The following GRM1 variants were observed in gnomAD, a reference collection of about 807,000 sequenced individuals.
GRM1 encodes glutamate metabotropic receptor 1.
Under a neutral mutation model 90.9 loss-of-function variants are expected in GRM1, and 33 were observed. That is an observed-to-expected ratio of 0.36 (90% CI 0.28 to 0.49). The LOEUF is 0.49. Among genes scored for constraint, GRM1 ranks in the 20% least tolerant of loss-of-function variants. The probability of loss-of-function intolerance (pLI) is 0.99; values close to 1 mark genes in which losing one functional copy is unlikely to be tolerated. For missense variants in GRM1, 1,190 were observed against 1,534.3 expected, an observed-to-expected ratio of 0.78 and a Z score of 3.75; for synonymous variants, 700 against 613.2, an observed-to-expected ratio of 1.14 and a Z score of -2.09.
intron 1 of GRM1, among the ~76,000 whole-genome samples, chr6:146,094,188 C>T (rs1313817993): frequency 6.6e-6 from 1 of 152,002 alleles, no homozygotes; most frequent in East Asian, 1.9e-4. Context: ...ACACAATGAA[C>T]ACCAGGTCTC....
At chr6:146,146,864 C>T (rs955803898) in intron 1 of GRM1, among the ~76,000 whole-genome samples, 5 of 152,108 alleles carry the variant, frequency 3.3e-5, no homozygotes, top group African/African-American at 1.2e-4. Context: ...TATAAATTAC[C>T]CAGTTTCTGG....
intron 1 of GRM1, among the ~76,000 whole-genome samples, chr6:146,122,059 G>A (rs549008847): frequency 3.1e-4 from 47 of 152,216 alleles, no homozygotes; most frequent in African/African-American, 1.1e-3. Context: ...ATTATTGTGT[G>A]GGAGTCTAAG....
intron 7 of GRM1, among the ~76,000 whole-genome samples, chr6:146,432,105 A>G (rs751887501): frequency 1.3e-5 from 2 of 152,208 alleles, no homozygotes; most frequent in Non-Finnish European, 2.9e-5. Flanking sequence ...CAATTTTTAA[A>G]AACTTTACAA....
At chr6:146,194,001 C>T (rs757692671) in intron 2 of GRM1, among the ~76,000 whole-genome samples, 3 of 152,040 alleles carry the variant, frequency 2.0e-5, no homozygotes, top group Non-Finnish European at 4.4e-5. Context: ...TCTTCAACAG[C>T]ATATGGAAGT....
intron 1 of GRM1, among the ~76,000 whole-genome samples, chr6:146,095,250 T>C (rs1277786290): frequency 6.6e-6 from 1 of 152,146 alleles, no homozygotes; most frequent in Non-Finnish European, 1.5e-5. Flanking sequence ...CTTCTTCTGA[T>C]AGCAGGGTGT....
intron 2 of GRM1, among the ~76,000 whole-genome samples, chr6:146,186,596 A>G (rs749076585): frequency 6.6e-5 from 10 of 151,742 alleles, no homozygotes; most frequent in Non-Finnish European, 7.3e-5. Flanking sequence ...AAAGGTTAAC[A>G]GTTTTACTAG....
rs764347042 is a variant in GRM1, at chr6:146,309,270, G to A, written c.1186+4424G>A. On this transcript the variant is annotated intron_variant, in intron 3 of 7. Coordinates refer to ENST00000282753, the MANE Select transcript of GRM1 (RefSeq NM_001278064.2). Reference sequence around the variant, plus strand: ...AAAAATTAGTTGGGCTTGGTGGCGGGTGCCTATAATCCTAGCTACTCGGGA... The same window carrying A: ...AAAAATTAGTTGGGCTTGGTGGCGGATGCCTATAATCCTAGCTACTCGGGA... Among the ~76,000 whole-genome samples the A allele has an allele frequency of 2.6e-5, 4 of 152,028 alleles. No individual in the cohort carries two copies. The East Asian group carries it at 7.8e-4, about 30-fold the overall frequency.
At chr6:146,195,964 G>C (rs1277780207) in intron 2 of GRM1, among the ~76,000 whole-genome samples, 2 of 152,184 alleles carry the variant, frequency 1.3e-5, no homozygotes, top group African/African-American at 4.8e-5. Context: ...TCCTAATTTG[G>C]CTGGGACAGT....
chr6:146,404,157 A>G (rs959527512), intron 7 of GRM1, among the ~76,000 whole-genome samples: 1 of 152,160 alleles, frequency 6.6e-6, no homozygotes, highest in Non-Finnish European at 1.5e-5. Context: ...CATGATATTT[A>G]TAGTAAACAT....
rs182518319 is a variant in GRM1, at chr6:146,115,256, A to G, written c.701-44092A>G. ...CACACACACACACACACATATATAT[A>G]CATATACTATACATGTACTATATAG... On this transcript the variant is annotated intron_variant, in intron 1 of 7. Coordinates refer to ENST00000282753, the MANE Select transcript of GRM1 (RefSeq NM_001278064.2). 1.2e-3 allele frequency among the ~76,000 whole-genome samples: 178 copies of G among 152,068 alleles called. 1 individual carries two copies. Among genetic ancestry groups the G allele is most frequent in the African/African-American group, 4.1e-3 (171 of 41,504 alleles).
At position 146,116,475 on chromosome 6, in the gene GRM1, C is replaced by A. The variant is rs78021363; in HGVS notation, c.701-42873C>A. On this transcript the variant is annotated intron_variant, in intron 1 of 7. Transcript: ENST00000282753. ...CCCTATTTGGTAATTGAATAATATT[C>A]TCTCAATATCCTTCTATATGTGCTT... Among the ~76,000 whole-genome samples the A allele has an allele frequency of 5.3e-3, 802 of 152,198 alleles. 10 individuals are homozygous for A. The highest frequency in any genetic ancestry group is 0.018 in the African/African-American group (765 of 41,532).
At chr6:146,185,713 A>G (rs1298567204) in intron 2 of GRM1, among the ~76,000 whole-genome samples, 1 of 152,086 alleles carries the variant, frequency 6.6e-6, no homozygotes, top group African/African-American at 2.4e-5. Context: ...TTTGATTCCA[A>G]TCAGCGTTTG....
chr6:146,194,481 AC>A (rs1487894893), intron 2 of GRM1, among the ~76,000 whole-genome samples: 1 of 152,214 alleles, frequency 6.6e-6, no homozygotes, highest in African/African-American at 2.4e-5. Context: ...ATCAGGGGCA[AC>A]TTTTGCAACG....
chr6:146,353,998 T>C (rs1218344262), intron 4 of GRM1, among the ~76,000 whole-genome samples: 1 of 152,208 alleles, frequency 6.6e-6, no homozygotes, highest in Non-Finnish European at 1.5e-5. Context: ...TAAGTCTCCA[T>C]GTATCTGTTT....
intron 3 of GRM1, among the ~76,000 whole-genome samples, chr6:146,327,343 G>A (rs962832571): frequency 1.3e-5 from 2 of 152,098 alleles, no homozygotes; most frequent in Non-Finnish European, 2.9e-5. Flanking sequence ...ATGAAATTAT[G>A]TTCTGTCTCT....
chr6:146,129,331 G>GAT (rs1562481533), intron 1 of GRM1, among the ~76,000 whole-genome samples: 1 of 152,108 alleles, frequency 6.6e-6, no homozygotes, highest in African/African-American at 2.4e-5. Flanking sequence ...TACTATCTAG[G>GAT]ATATATGGCC....
At chr6:146,369,051 A>G (rs956435433) in intron 5 of GRM1, among the ~76,000 whole-genome samples, 7 of 151,838 alleles carry the variant, frequency 4.6e-5, no homozygotes, top group Non-Finnish European at 1.0e-4. Context: ...CAGGCTTTCC[A>G]TTTCTTTATG....
intron 2 of GRM1, among the ~76,000 whole-genome samples, chr6:146,165,280 C>T (rs923883210): frequency 6.6e-6 from 1 of 152,056 alleles, no homozygotes; most frequent in African/African-American, 2.4e-5. Context: ...TCTTTCAGAA[C>T]ACACATTTGG....
At chr6:146,164,197 C>G (rs1777832985) in intron 2 of GRM1, among the ~76,000 whole-genome samples, 1 of 152,068 alleles carries the variant, frequency 6.6e-6, no homozygotes, top group African/African-American at 2.4e-5. Context: ...TATGTTGTCT[C>G]TAGTTCCAAA....
Sources: gnomAD v4.1 joint callset for allele counts (sites outside exome capture counted in the v4.1 genomes callset) on GRCh38, gnomAD v4.1.1 for gene constraint, MANE v1.5 for transcripts, NCBI Gene and HGNC (gene_info 2026-07-23, HGNC 2026-07-21) for gene names.